Variants in CLUH observed in about 807,000 individuals in gnomAD.
The protein encoded by CLUH is clustered mitochondria protein homolog.
Under a neutral mutation model 139.3 loss-of-function variants are expected in CLUH, and 77 were observed. The ratio of observed to expected loss-of-function variants is 0.55; its 90% CI spans 0.46 to 0.67. The LOEUF (loss-of-function observed/expected upper bound fraction) is 0.67. Ranked by LOEUF, CLUH falls within the 30% of genes least tolerant of loss-of-function variation. The pLI is 0.00. For synonymous variants in CLUH, 999 were observed against 801.6 expected, an observed-to-expected ratio of 1.25 and a Z score of -4.16; for missense variants, 1,876 against 1,875.8, an observed-to-expected ratio of 1.00 and a Z score of 0.00.
Position 2,706,295 on chromosome 17 carries a change from C to G in CLUH, c.101-1731G>C, listed in dbSNP as rs181180555. Among the ~76,000 whole-genome samples the G allele has an allele frequency of 9.2e-5, 14 of 152,046 alleles. No homozygotes were observed. The highest frequency in any genetic ancestry group is 3.4e-4 in the African/African-American group (14 of 41,384). ...CTTTCCCTGGATCCCCACGAGCAAACGAGAAACAGGACCTCTAAGAGCTCA... is the reference window on the plus strand; with the variant it reads ...CTTTCCCTGGATCCCCACGAGCAAAGGAGAAACAGGACCTCTAAGAGCTCA... On this transcript the variant is annotated intron_variant, in intron 1 of 25. Coordinates refer to ENST00000651024, the MANE Select transcript of CLUH (RefSeq NM_001366661.1). This position sits in a 1 kb window ranked among gnomAD's most constrained non-coding sequence, Gnocchi z 4.6.
intron 1 of CLUH, among the ~76,000 whole-genome samples, chr17:2,708,470 C>T (rs974834618): frequency 1.3e-5 from 2 of 152,128 alleles, no homozygotes; most frequent in African/African-American, 4.8e-5. Context: ...CACGGCAGCT[C>T]CCTAAACCGC....
At chr17:2,695,318 C>A (rs201588207) in intron 14 of CLUH, 38 bp from the exon 15 acceptor site, 3 of 1,613,364 alleles carry the variant, frequency 1.9e-6, no homozygotes, top group Non-Finnish European at 2.5e-6. Flanking sequence ...GTCAGGCCCC[C>A]GGCCTCCATC....
rs2069609479 is a variant in CLUH, at chr17:2,691,133, C to CGG, written c.3864-357_3864-356insCC. Among the ~76,000 whole-genome samples the CGG allele has an allele frequency of 4.0e-5, 6 of 151,782 alleles. No homozygotes were observed. In the South Asian group the frequency reaches 8.3e-4, roughly 21 times the overall value. Reference sequence around the variant, plus strand: ...GGAGCCCGGGGCCTGCTCCTCAGCCCCCCCCCGCCGCAGGATGGGAAGCGT... The same window carrying CGG: ...GGAGCCCGGGGCCTGCTCCTCAGCCCGGCCCCCCGCCGCAGGATGGGAAGCGT... On this transcript the variant is annotated intron_variant, in intron 25 of 25. Coordinates refer to ENST00000651024, the MANE Select transcript of CLUH (RefSeq NM_001366661.1).
At chr17:2,701,326 T>C in intron 6 of CLUH, 40 bp downstream of exon 6, 1 of 1,607,004 alleles carries the variant, frequency 6.2e-7, no homozygotes, top group Non-Finnish European at 8.5e-7. Flanking sequence ...CCAGGACGGC[T>C]GGCACGGCAG....
rs1051596655 is a variant in CLUH at position 2,707,877 on chromosome 17, G to A, written c.101-3313C>T. Reference sequence around the variant, plus strand: ...GCCAGCCCCTTCCTGGGAGTCACTGGTTCTGGTGGAAGGGAGGGGGATGGG... The same window carrying A: ...GCCAGCCCCTTCCTGGGAGTCACTGATTCTGGTGGAAGGGAGGGGGATGGG... On this transcript the variant is annotated intron_variant, in intron 1 of 25. Transcript: ENST00000651024. The surrounding 1 kb of genome is among the most constrained non-coding windows in gnomAD (Gnocchi z 7.4). The A allele has an allele frequency of 3.2e-5, 32 of 985,330 alleles. No homozygotes were observed. The highest frequency in any genetic ancestry group is 8.7e-5 in the African/African-American group (5 of 57,238). 61.0% of individuals were successfully genotyped at this position (985,330 alleles called of 1,614,324 possible).
At position 2,704,214 on chromosome 17, in the gene CLUH, C is replaced by T; in HGVS notation, c.303+148G>A. ...GGGCTCGATTCCCACGTCCACCACGCTAGCTGAGTGACTCTAGGGAGGGCA... is the reference window on the plus strand; with the variant it reads ...GGGCTCGATTCCCACGTCCACCACGTTAGCTGAGTGACTCTAGGGAGGGCA... On this transcript the variant is annotated intron_variant, in intron 2 of 25. Transcript: ENST00000651024. The surrounding 1 kb of genome is among the most constrained non-coding windows in gnomAD (Gnocchi z 5.7). The T allele has an allele frequency of 2.4e-6, 2 of 836,114 alleles. No individual in the cohort carries two copies. The highest frequency in any genetic ancestry group is 1.8e-6 in the Non-Finnish European group (1 of 548,036). The allele number at this position is 836,114 out of a possible 1,614,324, so 51.8% of individuals were successfully genotyped here. A position where few individuals can be genotyped will look rare whatever the true frequency, so the allele number is the denominator to read the frequency against.
chr17:2,702,394 T>C (rs2070218432), intron 3 of CLUH, among the ~76,000 whole-genome samples: 1 of 152,206 alleles, frequency 6.6e-6, no homozygotes, highest in Non-Finnish European at 1.5e-5. Flanking sequence ...TTTGGAGCTG[T>C]GGGACTTCCA....
At chr17:2,702,197 T>G in intron 3 of CLUH, 140 bp from the exon 4 acceptor site, 2 of 1,008,576 alleles carry the variant, frequency 2.0e-6, no homozygotes, top group Non-Finnish European at 2.9e-6. Flanking sequence ...AATTCCACTG[T>G]GAACACATAA....
intron 25 of CLUH, among the ~76,000 whole-genome samples, chr17:2,691,213 T>C (rs981068192): frequency 6.6e-6 from 1 of 152,010 alleles, no homozygotes; most frequent in Non-Finnish European, 1.5e-5. Flanking sequence ...CAAGATACTT[T>C]GTGTGAAGCA....
At chr17:2,701,799 C>T (rs901135761) in intron 4 of CLUH, 62 bp from the exon 5 acceptor site, 1 of 1,562,998 alleles carries the variant, frequency 6.4e-7, no homozygotes, top group African/African-American at 1.3e-5. Context: ...CTCCCTACCT[C>T]CTGATGGCCG....
Position 2,696,424 on chromosome 17 carries a change from C to A in CLUH, c.2290+10G>T, listed in dbSNP as rs1383729713. ...GAGGGCTCCTGCGCTGGCCGGCCCC[C>A]ACCACCTGCCTGGTGAGAAGATGTC... On this transcript the variant is annotated intron_variant, in intron 12 of 25. Transcript: ENST00000651024. The A allele has an allele frequency of 1.3e-6, 2 of 1,575,570 alleles. No homozygotes were observed. The highest frequency in any genetic ancestry group is 3.7e-5 in the Admixed American group (2 of 54,296).
rs764060900 is a variant in CLUH at position 2,692,606 on chromosome 17, A to G, written c.3403T>C (p.Phe1135Leu). The G allele has an allele frequency of 6.2e-7, 1 of 1,612,750 alleles. No homozygotes were observed. Among genetic ancestry groups the G allele is most frequent in the Non-Finnish European group, 8.5e-7 (1 of 1,179,590 alleles). ...GCCATCTCGGGGTGGTCTTCCCCGAACACCAGCAGCATGAGGTAGCGGGCG... is the reference window on the plus strand; with the variant it reads ...GCCATCTCGGGGTGGTCTTCCCCGAGCACCAGCAGCATGAGGTAGCGGGCG... The part of the protein sequence containing the change: ...YRARYLMLLV[F>L]GEDHPEMALL... The change falls in exon 21 of 26, where the codon TTC becomes CTC. Residue 1135 changes from phenylalanine (F) to leucine (L), a missense_variant. Physicochemically the swap from Phe to Leu is conservative, Grantham distance 22 (BLOSUM62 0). Transcript: ENST00000651024.
At position 2,702,038 on chromosome 17, in the gene CLUH, C is replaced by A. The variant is rs895497307; in HGVS notation, c.495G>T (p.Glu165Asp). 5.0e-6 allele frequency: 8 copies of A among 1,613,644 alleles called. No homozygotes were observed. Among genetic ancestry groups the A allele is most frequent in the Non-Finnish European group, 6.8e-6 (8 of 1,179,832 alleles). The stretch of plus-strand genomic sequence containing the variant: ...GGACATGGCGCACGTGGATGCGGGC[C>A]TCACGCACCGTGTACGGCTCTGTCA... ...RVVEEPYTVR[E>D]ARIHVRHVRD... The change falls in exon 4 of 26, where the codon GAG (glutamate) becomes GAT (aspartate). Residue 165 changes from glutamate (E) to aspartate (D), a missense_variant. This residue lies in a region of CLUH where 270 missense variants were observed against 354.7 expected (regional missense o/e 0.76). Transcript: ENST00000651024.
chr17:2,700,613 C>T lies in CLUH; in HGVS notation c.1173+65G>A, dbSNP rs117959262. 4,013 of 1,526,640 alleles carry T rather than the reference C, an allele frequency of 2.6e-3. 13 individuals carry two copies. The highest frequency in any genetic ancestry group is 3.1e-3 in the Non-Finnish European group (3,517 of 1,141,230). The allele number at this position is 1,526,640 out of a possible 1,614,324, so 94.6% of individuals were successfully genotyped here. A position where few individuals can be genotyped will look rare whatever the true frequency, so the allele number is the denominator to read the frequency against. On this transcript the variant is annotated intron_variant, in intron 8 of 25. Coordinates refer to ENST00000651024, the MANE Select transcript of CLUH (RefSeq NM_001366661.1). ...AGCATGGGGCCTCCAGGGAAGTGCA[C>T]GGAACCAGCCCAGCACCCAGGAGGG...
At position 2,707,668 on chromosome 17, in the gene CLUH, T is replaced by C; in HGVS notation, c.101-3104A>G. 3 of 985,314 alleles carry C rather than the reference T, an allele frequency of 3.0e-6. No homozygotes were observed. The allele number at this position is 985,314 out of a possible 1,614,324, so 61.0% of individuals were successfully genotyped here. A position where few individuals can be genotyped will look rare whatever the true frequency, so the allele number is the denominator to read the frequency against. ...AAGGGGGTCCTCTCCTCCGCTCCCA[T>C]CCCAGTGGGGGTGAACAGGACCGCT... On this transcript the variant is annotated intron_variant, in intron 1 of 25. Transcript: ENST00000651024. The surrounding 1 kb of genome is among the most constrained non-coding windows in gnomAD (Gnocchi z 7.4).
chr17:2,707,282 TC>T lies in CLUH; in HGVS notation c.101-2719del. ...CCCCAGCATTGCCCGGGTTCCTTGT[TC>T]CAGCCTCTGCCGCTACCCTTGCCCT... is the stretch of plus-strand genomic sequence containing the variant. On this transcript the variant is annotated intron_variant, in intron 1 of 25. Transcript: ENST00000651024. The surrounding 1 kb of genome is among the most constrained non-coding windows in gnomAD (Gnocchi z 7.4). 3.0e-6 allele frequency: 3 copies of T among 985,444 alleles called. No individual in the cohort carries two copies. The highest frequency in any genetic ancestry group is 3.6e-6 in the Non-Finnish European group (3 of 829,932). The allele number at this position is 985,444 out of a possible 1,614,324, so 61.0% of individuals were successfully genotyped here. A position where few individuals can be genotyped will look rare whatever the true frequency, so the allele number is the denominator to read the frequency against.
At position 2,703,559 on chromosome 17, in the gene CLUH, C is replaced by G. The variant is rs2070253864; in HGVS notation, c.304-70G>C. ...CGGGGAGAGAAGGCCCCAACCGCCC[C>G]GGTGAGAGGCCACGTAGCGGACAGC... On this transcript the variant is annotated intron_variant, in intron 2 of 25. Transcript: ENST00000651024. This position sits in a 1 kb window ranked among gnomAD's most constrained non-coding sequence, Gnocchi z 4.2. The G allele has an allele frequency of 1.3e-6, 2 of 1,498,798 alleles. No individual in the cohort carries two copies. Among genetic ancestry groups the G allele is most frequent in the Non-Finnish European group, 1.8e-6 (2 of 1,092,500 alleles). 92.8% of individuals were successfully genotyped at this position (1,498,798 alleles called of 1,614,324 possible).
In CLUH at chr17:2,697,980, C is replaced by T. The variant is rs1314305468; in HGVS notation, c.1877G>A (p.Cys626Tyr). ...GGCGCGGGGGAAGCCGGCGCGGGCG[C>T]ATTCCTCAGGCAGCTCCTCGCCAGG... ...PVPGEELPEE[C>Y]ARAGFPRAHR... Residue 626 changes from cysteine to tyrosine, a missense_variant, in exon 10 of 26, where the codon TGC becomes TAC. Coordinates refer to ENST00000651024, the MANE Select transcript of CLUH (RefSeq NM_001366661.1). 6.3e-7 allele frequency: 1 copy of T among 1,588,392 alleles called. No homozygotes were observed. Among genetic ancestry groups the T allele is most frequent in the Non-Finnish European group, 8.5e-7 (1 of 1,172,688 alleles).
Position 2,696,505 on chromosome 17 carries a change from G to A in CLUH, c.2219C>T (p.Ala740Val), listed in dbSNP as rs865802338. Reference protein sequence around the residue: ...DPRSREVIRNACKAVGSISST... With the variant: ...DPRSREVIRNVCKAVGSISST... Reference sequence around the variant, plus strand: ...GCTGATGGAGCCGACCGCCTTGCACGCGTTGCGGATCACCTCCCGGCTCCG... The same window carrying A: ...GCTGATGGAGCCGACCGCCTTGCACACGTTGCGGATCACCTCCCGGCTCCG... Residue 740 changes from alanine (A) to valine (V), a missense_variant, in exon 12 of 26, where the codon GCG (alanine) becomes GTG (valine). This residue lies in a region of CLUH where 1,454 missense variants were observed against 1,384.4 expected (regional missense o/e 1.05). Coordinates refer to ENST00000651024, the MANE Select transcript of CLUH (RefSeq NM_001366661.1). 27 of 1,587,144 alleles carry A rather than the reference G, an allele frequency of 1.7e-5. No homozygotes were observed. The Middle Eastern group carries it at 2.0e-3, about 117-fold the overall frequency.
Sources: allele counts gnomAD v4.1 joint callset (sites outside exome capture counted in the v4.1 genomes callset), GRCh38; gene constraint gnomAD v4.1.1; regional missense constraint gnomAD v4.1.1; non-coding constraint Gnocchi (gnomAD v3.1); transcripts MANE v1.5; gene names NCBI Gene and HGNC (gene_info 2026-07-23, HGNC 2026-07-21).